Variants in TAB2 observed in about 807,000 individuals in gnomAD.
The protein encoded by TAB2 is TGF-beta-activated kinase 1 and MAP3K7-binding protein 2.
TAB2 carries 3 observed loss-of-function variants against 65.0 expected under a neutral mutation model. The ratio of observed to expected loss-of-function variants is 0.05; its 90% CI spans 0.02 to 0.12. The LOEUF (loss-of-function observed/expected upper bound fraction) is 0.12. TAB2 is among the 10% of genes least tolerant of loss of function. The pLI, the probability that TAB2 is intolerant of heterozygous loss-of-function variation, is 1.00. For missense variants in TAB2, 623 were observed against 840.3 expected (o/e 0.74, Z 3.20); for synonymous variants, 298 against 285.1 (o/e 1.05, Z -0.46).
intron 1 of TAB2, among the ~76,000 whole-genome samples, chr6:149,365,376 T>C (rs1430850941): frequency 2.6e-5 from 4 of 152,234 alleles, no homozygotes; most frequent in African/African-American, 7.2e-5. Flanking sequence ...TATATTGCTT[T>C]CACTCTTAAA....
chr6:149,363,719 C>T (rs139400624), intron 1 of TAB2, among the ~76,000 whole-genome samples: 2,589 of 152,174 alleles, frequency 0.017, 25 homozygotes, highest in Middle Eastern at 0.041. Flanking sequence ...CATTCACACT[C>T]AGGTTTTAAT....
chr6:149,248,766 GC>G (rs549854485), intron 1 of TAB2, among the ~76,000 whole-genome samples: 1 of 152,126 alleles, frequency 6.6e-6, no homozygotes, highest in Non-Finnish European at 1.5e-5. Flanking sequence ...ACCTTGACCA[GC>G]CCCCCAGTGC....
chr6:149,220,590 A>T (rs1777122016), intron 1 of TAB2, among the ~76,000 whole-genome samples: 1 of 152,194 alleles, frequency 6.6e-6, no homozygotes, highest in Admixed American at 6.5e-5. Flanking sequence ...TGTCAGGCCC[A>T]CAGTGGAAAA....
At chr6:149,314,631 A>G (rs1779219117), upstream of TAB2, among the ~76,000 whole-genome samples, 1 of 152,186 alleles carries the variant, frequency 6.6e-6, no homozygotes, top group Non-Finnish European at 1.5e-5. Context: ...ATTGCCAGCT[A>G]CCTTGTATCA....
At position 149,351,937 on chromosome 6, in the gene TAB2, A is replaced by G. The variant is rs114501822; in HGVS notation, c.-89-17972A>G. On this transcript the variant is annotated intron_variant, in intron 1 of 6. Transcript: ENST00000637181. Reference sequence around the variant, plus strand: ...TCACCAGAAAATTTTAGAAGCGTGCATGGCTAAGGTAGAATACTGGTTCTT... The same window carrying G: ...TCACCAGAAAATTTTAGAAGCGTGCGTGGCTAAGGTAGAATACTGGTTCTT... Among the ~76,000 whole-genome samples, 1,031 of 152,324 alleles carry G rather than the reference A, an allele frequency of 6.8e-3. 9 individuals carry two copies. The highest frequency in any genetic ancestry group is 0.024 in the African/African-American group (980 of 41,572).
At chr6:149,357,430 A>AAAAAAACACACACACACACACACAC in intron 1 of TAB2, among the ~76,000 whole-genome samples, 64 of 111,166 alleles carry the variant, frequency 5.8e-4, no homozygotes, top group African/African-American at 2.0e-3. Context: ...AGAAAAAAAA[A>AAAAAAACACACACACACACACACAC]ACACACACAC....
intron 1 of TAB2, among the ~76,000 whole-genome samples, chr6:149,239,888 C>T (rs1330751513): frequency 6.6e-6 from 1 of 152,154 alleles, no homozygotes; most frequent in Non-Finnish European, 1.5e-5. Flanking sequence ...TAAACTTGAC[C>T]TATTAGTCAA....
chr6:149,288,212 C>T (rs915143130), intron 1 of TAB2, among the ~76,000 whole-genome samples: 9 of 152,250 alleles, frequency 5.9e-5, no homozygotes, highest in African/African-American at 1.9e-4. Flanking sequence ...TAAAATGGTC[C>T]TTGTGTCACT....
intron 1 of TAB2, among the ~76,000 whole-genome samples, chr6:149,357,921 G>A (rs141996754): frequency 0.041 from 6,224 of 152,066 alleles, 447 homozygotes; most frequent in African/African-American, 0.14. Context: ...GGCTGGTTTC[G>A]AACTCCTGAC....
intron 2 of TAB2, among the ~76,000 whole-genome samples, chr6:149,371,054 AG>A (rs368099201): frequency 0.016 from 1,896 of 121,918 alleles, 32 homozygotes; most frequent in South Asian, 0.11. Context: ...AAACAGAGAG[AG>A]ACCCTATCTC....
intron 1 of TAB2, among the ~76,000 whole-genome samples, chr6:149,366,643 T>C (rs1781049255): frequency 6.6e-6 from 1 of 152,178 alleles, no homozygotes; most frequent in South Asian, 2.1e-4. Context: ...CACCAATTTG[T>C]TTCTTCCTCC....
At chr6:149,288,058 A>G (rs77580414) in intron 1 of TAB2, among the ~76,000 whole-genome samples, 5,727 of 152,366 alleles carry the variant, frequency 0.038, 135 homozygotes, top group Non-Finnish European at 0.046. Flanking sequence ...AAATAGCATG[A>G]TAACAGTAAA....
upstream of TAB2, among the ~76,000 whole-genome samples, chr6:149,316,749 C>T (rs1202218012): frequency 1.3e-5 from 2 of 152,078 alleles, no homozygotes; most frequent in East Asian, 1.9e-4. Flanking sequence ...TAGGAACGTG[C>T]AATTAAAATA....
chr6:149,343,295 C>T (rs897063185), intron 1 of TAB2, among the ~76,000 whole-genome samples: 3 of 148,320 alleles, frequency 2.0e-5, no homozygotes, highest in Non-Finnish European at 3.0e-5. Flanking sequence ...ATGGCGAAAC[C>T]CCGCCTCCAC....
intron 1 of TAB2, among the ~76,000 whole-genome samples, chr6:149,349,973 C>A (rs962600932): frequency 3.3e-5 from 5 of 152,050 alleles, no homozygotes; most frequent in Admixed American, 6.6e-5. Context: ...ACTCTGTCGC[C>A]GAGGCAAGAG....
chr6:149,223,303 C>G (rs1470708372), intron 1 of TAB2, among the ~76,000 whole-genome samples: 1 of 152,216 alleles, frequency 6.6e-6, no homozygotes, highest in Non-Finnish European at 1.5e-5. Flanking sequence ...ATGAGGACAT[C>G]TCAGTCAGTC....
chr6:149,237,642 G>T (rs1306270490), intron 1 of TAB2, among the ~76,000 whole-genome samples: 1 of 152,140 alleles, frequency 6.6e-6, no homozygotes, highest in Non-Finnish European at 1.5e-5. Context: ...CCTCTAGGCG[G>T]CCTCACCTCA....
At chr6:149,278,585 G>T (rs1778518205) in intron 1 of TAB2, among the ~76,000 whole-genome samples, 1 of 152,226 alleles carries the variant, frequency 6.6e-6, no homozygotes, top group Non-Finnish European at 1.5e-5. Flanking sequence ...GAATGGCTAA[G>T]ATTCCGATAA....
chr6:149,383,089 TG>T (rs1367951030), intron 3 of TAB2, among the ~76,000 whole-genome samples: 1 of 151,488 alleles, frequency 6.6e-6, no homozygotes, highest in Non-Finnish European at 1.5e-5. Context: ...TGGGAGGCAG[TG>T]GTTGCAGTGA....
Sources: gnomAD v4.1 joint callset for allele counts (sites outside exome capture counted in the v4.1 genomes callset) on GRCh38, gnomAD v4.1.1 for gene constraint, MANE v1.5 for transcripts, NCBI Gene and HGNC (gene_info 2026-07-23, HGNC 2026-07-21) for gene names.